CEP126: variants seen among roughly 807,000 people sequenced by gnomAD.
The protein encoded by CEP126 is centrosomal protein of 126 kDa.
In CEP126, 74 loss-of-function variants were observed where a neutral mutation model predicts 107.8. That is an observed-to-expected ratio of 0.69 (90% CI 0.57 to 0.83). CEP126 has a LOEUF of 0.83. Ranked by LOEUF, CEP126 falls within the 40% of genes least tolerant of loss-of-function variation. The pLI is 0.00. For synonymous variants in CEP126, 449 were observed against 446.0 expected (o/e 1.01, Z -0.08); for missense variants, 1,237 against 1,281.9 (o/e 0.96, Z 0.53).
chr11:101,922,877 T>TGA, intron 2 of CEP126, 117 bp downstream of exon 2: 1 of 772,632 alleles, frequency 1.3e-6, no homozygotes, highest in Non-Finnish European at 2.0e-6. Context: ...CTGTGAAACA[T>TGA]TGATCAAGAT....
Position 101,915,058 on chromosome 11 carries a change from C to A in CEP126, c.-227C>A, listed in dbSNP as rs941338537. The A allele has an allele frequency of 3.9e-6, 2 of 517,296 alleles. No homozygotes were observed. Among genetic ancestry groups the A allele is most frequent in the Non-Finnish European group, 6.6e-6 (2 of 301,070 alleles). 32.0% of individuals were successfully genotyped at this position (517,296 alleles called of 1,614,324 possible). On this transcript the variant is annotated 5_prime_UTR_variant, in exon 1 of 11. Coordinates refer to ENST00000263468, the MANE Select transcript of CEP126 (RefSeq NM_020802.4). The stretch of plus-strand genomic sequence containing the variant: ...GGCGGCTGCAGGGTTGCTGCCGCCC[C>A]ATCTGCTATTGCCCGGCGAGGTCGC...
chr11:101,986,755 A>C (rs1264036816), intron 8 of CEP126, 77 bp from the exon 9 acceptor site: 3 of 966,134 alleles, frequency 3.1e-6, no homozygotes, highest in Non-Finnish European at 4.9e-6. Flanking sequence ...AGCATGTATA[A>C]GTATATGTAA....
Position 101,922,637 on chromosome 11 carries a change from T to C in CEP126, c.129-4T>C, listed in dbSNP as rs1417884648. The C allele has an allele frequency of 6.3e-7, 1 of 1,599,992 alleles. No homozygotes were observed. The highest frequency in any genetic ancestry group is 1.3e-5 in the African/African-American group (1 of 74,594). ...CATTGTTCTTAACTTAATGCTATCATTAGAGATATGAAAATCCATCTGGAG... is the reference window on the plus strand; with the variant it reads ...CATTGTTCTTAACTTAATGCTATCACTAGAGATATGAAAATCCATCTGGAG... On this transcript the variant is annotated splice_polypyrimidine_tract_variant and splice_region_variant and intron_variant, in intron 1 of 10. Transcript: ENST00000263468.
chr11:101,931,943 A>T (rs768705880), intron 2 of CEP126, among the ~76,000 whole-genome samples: 11 of 152,232 alleles, frequency 7.2e-5, no homozygotes, highest in Admixed American at 2.0e-4. Context: ...GATGGCTCAC[A>T]TTGAGCCAAG....
intron 5 of CEP126, among the ~76,000 whole-genome samples, chr11:101,960,755 G>A (rs531679640): frequency 6.6e-6 from 1 of 151,938 alleles, no homozygotes; most frequent in South Asian, 2.1e-4. Context: ...ACCATAGTAT[G>A]TAAATTTTTA....
intron 10 of CEP126, among the ~76,000 whole-genome samples, chr11:101,995,751 T>C (rs1174090429): frequency 1.3e-5 from 2 of 152,222 alleles, no homozygotes; most frequent in Non-Finnish European, 2.9e-5. Context: ...ACATAAATGT[T>C]GAATTAACTA....
At chr11:101,995,875 T>C (rs1375200814) in intron 10 of CEP126, among the ~76,000 whole-genome samples, 1 of 152,260 alleles carries the variant, frequency 6.6e-6, no homozygotes, top group Non-Finnish European at 1.5e-5. Context: ...TTATTAAATA[T>C]TAAGTACCGT....
chr11:101,922,692 A>C lies in CEP126; in HGVS notation c.180A>C (p.Leu60Phe), dbSNP rs1591267440. ...ATTTAGAAGAAGAGCGCCAGATATT[A>C]CTGCAGCAACAAAAAATATGTCGAA... is the stretch of plus-strand genomic sequence containing the variant. ...EKNLEEERQI[L>F]LQQQKICRNR... is the part of the protein sequence containing the mutation. The change falls in exon 2 of 11, where the codon TTA becomes TTC. Residue 60 changes from leucine (L) to phenylalanine (F), a missense_variant. Physicochemically the swap from Leu to Phe is conservative, Grantham distance 22. Coordinates refer to ENST00000263468, the MANE Select transcript of CEP126 (RefSeq NM_020802.4). 2 of 1,608,036 alleles carry C rather than the reference A, an allele frequency of 1.2e-6. No homozygotes were observed. The highest frequency in any genetic ancestry group is 4.5e-5 in the East Asian group (2 of 44,814).
chr11:101,992,109 G>T (rs1487277817), intron 9 of CEP126, among the ~76,000 whole-genome samples: 1 of 151,534 alleles, frequency 6.6e-6, no homozygotes, highest in Non-Finnish European at 1.5e-5. Context: ...ATTAAAATAT[G>T]CATATGTTTT....
chr11:101,963,752 A>G lies in CEP126; in HGVS notation c.2717A>G (p.Tyr906Cys), dbSNP rs965581038. The G allele has an allele frequency of 1.2e-6, 2 of 1,613,992 alleles. No individual in the cohort carries two copies. The highest frequency in any genetic ancestry group is 1.7e-5 in the Admixed American group (1 of 59,994). ...QAVARQDATLYCTQRSPVCEE... is the reference protein window; with the variant it reads ...QAVARQDATLCCTQRSPVCEE... Reference sequence around the variant, plus strand: ...GTTGCCCGGCAAGATGCGACATTATATTGCACCCAAAGAAGTCCTGTTTGT... The same window carrying G: ...GTTGCCCGGCAAGATGCGACATTATGTTGCACCCAAAGAAGTCCTGTTTGT... The change falls in exon 6 of 11, where the codon TAT (tyrosine) becomes TGT (cysteine). Residue 906 changes from tyrosine to cysteine, a missense_variant. Transcript: ENST00000263468.
At chr11:101,944,895 A>G (rs1433851014) in intron 3 of CEP126, among the ~76,000 whole-genome samples, 3 of 152,184 alleles carry the variant, frequency 2.0e-5, no homozygotes, top group East Asian at 1.9e-4. Flanking sequence ...TTTGTATTAT[A>G]TCTACATTTT....
Position 101,948,020 on chromosome 11 carries a change from T to C in CEP126, c.395-11T>C, listed in dbSNP as rs1433006906. On this transcript the variant is annotated splice_polypyrimidine_tract_variant and intron_variant, in intron 3 of 10. Transcript: ENST00000263468. ...TGATTCTGTACTGTTCGGTCTTTATTATCTCTTTAGTTTCCCGAAAACCAG... is the reference window on the plus strand; with the variant it reads ...TGATTCTGTACTGTTCGGTCTTTATCATCTCTTTAGTTTCCCGAAAACCAG... 6.6e-7 allele frequency: 1 copy of C among 1,524,428 alleles called. No homozygotes were observed. Among genetic ancestry groups the C allele is most frequent in the Admixed American group, 1.7e-5 (1 of 59,358 alleles). The allele number at this position is 1,524,428 out of a possible 1,614,324, so 94.4% of individuals were successfully genotyped here. A position where few individuals can be genotyped will look rare whatever the true frequency, so the allele number is the denominator to read the frequency against.
chr11:101,931,339 G>A (rs1300641097), intron 2 of CEP126, among the ~76,000 whole-genome samples: 1 of 152,074 alleles, frequency 6.6e-6, no homozygotes, highest in East Asian at 1.9e-4. Flanking sequence ...TCAAGTGAAA[G>A]ACAATCTGTT....
intron 3 of CEP126, among the ~76,000 whole-genome samples, chr11:101,946,746 A>G (rs1395336651): frequency 6.6e-6 from 1 of 151,694 alleles, no homozygotes; most frequent in East Asian, 2.0e-4. Context: ...TGTAATCCCA[A>G]CTACTAGGAA....
chr11:101,979,667 G>A (rs923490043), intron 7 of CEP126, among the ~76,000 whole-genome samples: 1 of 152,198 alleles, frequency 6.6e-6, no homozygotes, highest in East Asian at 1.9e-4. Context: ...GAGCCCAGGA[G>A]TTTGAGGCTG....
intron 9 of CEP126, among the ~76,000 whole-genome samples, chr11:101,990,953 A>G (rs1941371818): frequency 6.6e-6 from 1 of 152,120 alleles, no homozygotes; most frequent in South Asian, 2.1e-4. Context: ...CAGGCAGATC[A>G]CTTGAGCCCA....
chr11:101,938,399 C>G (rs1773836724), intron 2 of CEP126, among the ~76,000 whole-genome samples: 1 of 143,926 alleles, frequency 6.9e-6, no homozygotes, highest in Admixed American at 7.0e-5. Flanking sequence ...TATGTTTTCT[C>G]TATTTTTTTT....
At chr11:101,952,922 G>A (rs1334848728) in intron 4 of CEP126, among the ~76,000 whole-genome samples, 3 of 152,308 alleles carry the variant, frequency 2.0e-5, no homozygotes, top group East Asian at 3.9e-4. Flanking sequence ...CCAGAAAACA[G>A]TGCATGCCAA....
intron 2 of CEP126, 52 bp downstream of exon 2, chr11:101,922,812 G>C: frequency 2.1e-6 from 3 of 1,460,728 alleles, no homozygotes; most frequent in Non-Finnish European, 2.8e-6. Context: ...TCAATATAAA[G>C]TAATAGTTTC....
Sources: allele counts gnomAD v4.1 joint callset (sites outside exome capture counted in the v4.1 genomes callset), GRCh38; gene constraint gnomAD v4.1.1; transcripts MANE v1.5; gene names NCBI Gene and HGNC (gene_info 2026-07-23, HGNC 2026-07-21).